CALN1: variants seen among roughly 807,000 people sequenced by gnomAD.
CALN1 encodes calcium-binding protein 8.
CALN1 carries 17 observed loss-of-function variants against 30.6 expected under a neutral mutation model. The observed-to-expected ratio is 0.56, with a 90% CI of 0.38 to 0.83. The LOEUF (loss-of-function observed/expected upper bound fraction) is 0.83. CALN1 is among the 40% of genes least tolerant of loss of function. The probability of loss-of-function intolerance (pLI) is 0.00; values close to 1 mark genes in which losing one functional copy is unlikely to be tolerated. For synonymous variants in CALN1, 156 were observed against 131.4 expected (o/e 1.19, Z -1.28); for missense variants, 291 against 354.9 (o/e 0.82, Z 1.45).
At chr7:72,219,081 G>T (rs1368029344) in intron 3 of CALN1, among the ~76,000 whole-genome samples, 1 of 152,116 alleles carries the variant, frequency 6.6e-6, no homozygotes, top group Admixed American at 6.6e-5. Flanking sequence ...TGCATTTTTT[G>T]GGAATATGTA....
At chr7:72,235,844 T>C (rs1323749942) in intron 3 of CALN1, among the ~76,000 whole-genome samples, 1 of 151,938 alleles carries the variant, frequency 6.6e-6, no homozygotes, top group African/African-American at 2.4e-5. Context: ...TACCCCATCC[T>C]TATATACTTG....
At chr7:71,937,229 G>C (rs1232822641) in intron 5 of CALN1, among the ~76,000 whole-genome samples, 1 of 151,946 alleles carries the variant, frequency 6.6e-6, no homozygotes, top group African/African-American at 2.4e-5. Context: ...AGAATTGCTT[G>C]AACCCGGGAG....
intron 5 of CALN1, chr7:71,942,303 C>T (rs544600431): frequency 3.6e-5 from 7 of 192,092 alleles, no homozygotes; most frequent in Admixed American, 6.0e-5. Flanking sequence ...CCAGGGTCAC[C>T]GAGGTCCTGG....
chr7:72,411,066 T>C (rs1330309356), intron 1 of CALN1, among the ~76,000 whole-genome samples: 1 of 152,068 alleles, frequency 6.6e-6, no homozygotes, highest in African/African-American at 2.4e-5. Flanking sequence ...AAGACCAACA[T>C]ACAGAATTTA....
At chr7:72,336,904 C>G in intron 2 of CALN1, 3 of 984,956 alleles carry the variant, frequency 3.0e-6, no homozygotes, top group Non-Finnish European at 3.6e-6. Flanking sequence ...CCTCGGCGCC[C>G]CCGGGCCGCT....
intron 3 of CALN1, among the ~76,000 whole-genome samples, chr7:72,220,839 T>G (rs1369942350): frequency 6.6e-6 from 1 of 152,250 alleles, no homozygotes; most frequent in Non-Finnish European, 1.5e-5. Flanking sequence ...CATAAATGTC[T>G]TCTTCTGAGA....
At chr7:71,858,669 C>T (rs1478156727) in intron 5 of CALN1, among the ~76,000 whole-genome samples, 2 of 152,174 alleles carry the variant, frequency 1.3e-5, no homozygotes, top group African/African-American at 2.4e-5. Flanking sequence ...AAGCCCTCCT[C>T]TCACATGTAA....
At chr7:72,067,733 A>C (rs1342612350) in intron 4 of CALN1, among the ~76,000 whole-genome samples, 1 of 152,178 alleles carries the variant, frequency 6.6e-6, no homozygotes, top group Non-Finnish European at 1.5e-5. Flanking sequence ...GATCCACCGA[A>C]TGGCATGCCT....
intron 2 of CALN1, among the ~76,000 whole-genome samples, chr7:72,402,499 T>C (rs1033661954): frequency 1.3e-5 from 2 of 152,162 alleles, no homozygotes; most frequent in Admixed American, 6.5e-5. Flanking sequence ...GATGTACCCA[T>C]TTATAGGACT....
chr7:72,072,858 A>T lies in CALN1; in HGVS notation c.388+33293T>A, dbSNP rs1296159210. On this transcript the variant is annotated intron_variant, in intron 4 of 6. Transcript: ENST00000395275. ...TTAGAATGTATAACTTTAGTATGTT[A>T]AATATAATCCCCATGGTAACTACAA... 2.0e-5 allele frequency among the ~76,000 whole-genome samples: 3 copies of T among 152,220 alleles called. No homozygotes were observed. In the East Asian group the frequency reaches 5.8e-4, roughly 29 times the overall value.
intron 6 of CALN1, among the ~76,000 whole-genome samples, chr7:71,789,004 TG>T (rs1793157375): frequency 6.6e-6 from 1 of 152,102 alleles, no homozygotes; most frequent in Admixed American, 6.5e-5. Context: ...GGTCTTGCTA[TG>T]TTGCCCAGTA....
At chr7:71,888,982 TGAG>T (rs1793080598) in intron 5 of CALN1, among the ~76,000 whole-genome samples, 1 of 152,130 alleles carries the variant, frequency 6.6e-6, no homozygotes, top group African/African-American at 2.4e-5. Flanking sequence ...CGCAGTGTGG[TGAG>T]GAGATCAGGA....
At chr7:72,409,754 TG>T (rs1806983911) in intron 1 of CALN1, among the ~76,000 whole-genome samples, 1 of 152,116 alleles carries the variant, frequency 6.6e-6, no homozygotes, top group Non-Finnish European at 1.5e-5. Flanking sequence ...TGGGACCCCA[TG>T]GAACAGTGGT....
At chr7:72,128,860 A>G (rs952902159) in intron 3 of CALN1, among the ~76,000 whole-genome samples, 1 of 152,234 alleles carries the variant, frequency 6.6e-6, no homozygotes, top group African/African-American at 2.4e-5. Flanking sequence ...CAACAAGAGC[A>G]AAACTCTGTC....
Position 72,410,682 on chromosome 7 carries a change from C to G in CALN1, c.-74+1376G>C, listed in dbSNP as rs538034656. Among the ~76,000 whole-genome samples the G allele has an allele frequency of 1.1e-3, 171 of 152,222 alleles. 1 individual carries two copies. The highest frequency in any genetic ancestry group is 3.7e-3 in the African/African-American group (154 of 41,510). On this transcript the variant is annotated intron_variant, in intron 1 of 6. Transcript: ENST00000395275. ...AACCCTGGTTCTTCAAAATGAAAAC[C>G]AAGACCCTATGAACGGCTCACAATT... is the stretch of plus-strand genomic sequence containing the variant.
intron 5 of CALN1, among the ~76,000 whole-genome samples, chr7:71,898,008 GGAGGGGGGGGGA>G (rs1296833658): frequency 2.3e-4 from 18 of 77,298 alleles, no homozygotes; most frequent in African/African-American, 6.4e-4. Context: ...AGAGAGGGAG[GGAGGGGGGGGGA>G]GAGAGAGAGA....
At chr7:72,439,928 G>A (rs981533170) in intron 1 of CALN1, among the ~76,000 whole-genome samples, 1 of 152,036 alleles carries the variant, frequency 6.6e-6, no homozygotes, top group East Asian at 1.9e-4. Flanking sequence ...AGAAAAAGAG[G>A]GGTTGGTGTT....
intron 5 of CALN1, among the ~76,000 whole-genome samples, chr7:71,871,913 G>A (rs950443484): frequency 6.6e-6 from 1 of 151,904 alleles, no homozygotes; most frequent in Admixed American, 6.6e-5. Context: ...CCATGGTCTC[G>A]ATCAGGACCA....
chr7:72,194,513 G>C (rs145814408), intron 3 of CALN1, among the ~76,000 whole-genome samples: 2,564 of 151,898 alleles, frequency 0.017, 74 homozygotes, highest in African/African-American at 0.058. Context: ...CTGGGCGACA[G>C]AGTAAGACCC....
Sources: allele counts gnomAD v4.1 joint callset (sites outside exome capture counted in the v4.1 genomes callset), GRCh38; gene constraint gnomAD v4.1.1; transcripts MANE v1.5; gene names NCBI Gene and HGNC (gene_info 2026-07-23, HGNC 2026-07-21).